RASAL2: variants seen among roughly 807,000 people sequenced by gnomAD.
The protein encoded by RASAL2 is ras GTPase-activating protein nGAP.
RASAL2 carries 58 observed loss-of-function variants against 128.9 expected under a neutral mutation model. The ratio of observed to expected loss-of-function variants is 0.45; its 90% CI spans 0.36 to 0.56. The LOEUF (loss-of-function observed/expected upper bound fraction) is 0.56. Ranked by LOEUF, RASAL2 falls within the 20% of genes least tolerant of loss-of-function variation. RASAL2 has a pLI of 0.00. For synonymous variants in RASAL2, 561 were observed against 580.8 expected, an observed-to-expected ratio of 0.97 and a Z score of 0.49; for missense variants, 1,360 against 1,601.6, an observed-to-expected ratio of 0.85 and a Z score of 2.57.
chr1:178,203,467 C>T (rs1662942351), intron 1 of RASAL2, among the ~76,000 whole-genome samples: 1 of 152,170 alleles, frequency 6.6e-6, no homozygotes, highest in Non-Finnish European at 1.5e-5. Context: ...GGTACTGTTT[C>T]TTGCATAGCC....
At chr1:178,142,997 G>T (rs911772030) in intron 1 of RASAL2, among the ~76,000 whole-genome samples, 1 of 151,822 alleles carries the variant, frequency 6.6e-6, no homozygotes, top group East Asian at 1.9e-4. Context: ...TAAGGCAGGG[G>T]ATTATTTCTT....
At chr1:178,464,471 G>C in intron 15 of RASAL2, 59 bp downstream of exon 15, 1 of 1,587,868 alleles carries the variant, frequency 6.3e-7, no homozygotes, top group South Asian at 1.2e-5. Context: ...CACTAAAAAG[G>C]TTATCTAGCT....
intron 1 of RASAL2, among the ~76,000 whole-genome samples, chr1:178,249,112 T>C (rs991073405): frequency 5.3e-5 from 8 of 152,184 alleles, no homozygotes; most frequent in Admixed American, 2.0e-4. Flanking sequence ...GAAGTTCTCC[T>C]GGATAATACC....
chr1:178,446,966 G>T (rs1677043523), intron 9 of RASAL2, among the ~76,000 whole-genome samples: 1 of 152,162 alleles, frequency 6.6e-6, no homozygotes, highest in East Asian at 1.9e-4. Flanking sequence ...GGAATGTGTG[G>T]AATAAAACTA....
intron 1 of RASAL2, among the ~76,000 whole-genome samples, chr1:178,170,133 G>T (rs921185280): frequency 2.0e-5 from 3 of 151,726 alleles, no homozygotes; most frequent in South Asian, 2.1e-4. Context: ...TCTGTTACTT[G>T]GTTGCTAAAA....
rs1376658935 is a variant in RASAL2, at chr1:178,473,361, C to T, written c.*122C>T. 2 of 1,245,802 alleles carry T rather than the reference C, an allele frequency of 1.6e-6. No individual in the cohort carries two copies. Among genetic ancestry groups the T allele is most frequent in the Admixed American group, 5.0e-5 (2 of 40,006 alleles). 77.2% of individuals were successfully genotyped at this position (1,245,802 alleles called of 1,614,324 possible). On this transcript the variant is annotated 3_prime_UTR_variant, in exon 18 of 18. Transcript: ENST00000367649. ...TTCACAATGGCGATGTGGTGAGAAA[C>T]TCCTGAATGAAGAAAGGAACCTTGT...
intron 3 of RASAL2, among the ~76,000 whole-genome samples, chr1:178,332,613 CTT>C (rs72401422): frequency 3.5e-4 from 47 of 136,052 alleles, no homozygotes; most frequent in Admixed American, 5.0e-4. Context: ...GTCTCCAATT[CTT>C]TTTTTTTTTT....
At chr1:178,136,856 G>T (rs962961449) in intron 1 of RASAL2, among the ~76,000 whole-genome samples, 1 of 150,102 alleles carries the variant, frequency 6.7e-6, no homozygotes, top group Non-Finnish European at 1.5e-5. Context: ...GAAACATAAA[G>T]GTCTAGTCCT....
intron 3 of RASAL2, among the ~76,000 whole-genome samples, chr1:178,331,482 A>G (rs1017443071): frequency 6.6e-6 from 1 of 152,204 alleles, no homozygotes; most frequent in African/African-American, 2.4e-5. Context: ...ATTTAAAAAC[A>G]TAAAAAGAGA....
At chr1:178,350,447 T>C (rs1670403045) in intron 3 of RASAL2, among the ~76,000 whole-genome samples, 1 of 152,244 alleles carries the variant, frequency 6.6e-6, no homozygotes, top group Non-Finnish European at 1.5e-5. Context: ...ATGCTCATCT[T>C]GGTCTCAAAC....
chr1:178,369,081 A>G (rs1053824634), intron 3 of RASAL2, among the ~76,000 whole-genome samples: 1 of 152,192 alleles, frequency 6.6e-6, no homozygotes, highest in Non-Finnish European at 1.5e-5. Context: ...TCGGATTATA[A>G]AAAGAGGAAA....
At chr1:178,168,809 G>A (rs544718961) in intron 1 of RASAL2, among the ~76,000 whole-genome samples, 1 of 152,148 alleles carries the variant, frequency 6.6e-6, no homozygotes, top group Admixed American at 6.6e-5. Context: ...TCTTTACTGT[G>A]TGGAATTTTA....
chr1:178,366,007 G>A (rs1213821140), intron 3 of RASAL2, among the ~76,000 whole-genome samples: 2 of 152,044 alleles, frequency 1.3e-5, no homozygotes, highest in Admixed American at 6.5e-5. Flanking sequence ...AATATAATTT[G>A]TATAGTAGAT....
At chr1:178,194,995 G>A (rs1662612147) in intron 1 of RASAL2, among the ~76,000 whole-genome samples, 3 of 152,156 alleles carry the variant, frequency 2.0e-5, no homozygotes, top group Admixed American at 2.0e-4. Flanking sequence ...GAATTTTGAA[G>A]GGTAATTTTG....
intron 4 of RASAL2, among the ~76,000 whole-genome samples, chr1:178,407,595 T>G (rs545693130): frequency 6.6e-6 from 1 of 152,332 alleles, no homozygotes; most frequent in South Asian, 2.1e-4. Flanking sequence ...GTGAATCAGG[T>G]AACATTTTGA....
intron 1 of RASAL2, among the ~76,000 whole-genome samples, chr1:178,244,454 G>A (rs1202962816): frequency 2.6e-5 from 4 of 152,106 alleles, no homozygotes; most frequent in African/African-American, 9.7e-5. Flanking sequence ...TATTGGTCAG[G>A]CTGGTCTTGA....
At chr1:178,173,416 A>G (rs908901033) in intron 1 of RASAL2, among the ~76,000 whole-genome samples, 34 of 152,268 alleles carry the variant, frequency 2.2e-4, no homozygotes, top group African/African-American at 7.2e-4. Context: ...ATTGTAATGT[A>G]CATCTAAATA....
intron 1 of RASAL2, among the ~76,000 whole-genome samples, chr1:178,277,163 A>G (rs1000406041): frequency 6.6e-6 from 1 of 151,596 alleles, no homozygotes; most frequent in Non-Finnish European, 1.5e-5. Context: ...AAAAAAAAAA[A>G]AAAAAAACCA....
chr1:178,101,956 C>T (rs759971194), intron 1 of RASAL2, among the ~76,000 whole-genome samples: 1 of 152,020 alleles, frequency 6.6e-6, no homozygotes, highest in Non-Finnish European at 1.5e-5. Flanking sequence ...GACAAAACAT[C>T]CATAAAGTAG....
Sources: gnomAD v4.1 joint callset for allele counts (sites outside exome capture counted in the v4.1 genomes callset) on GRCh38, gnomAD v4.1.1 for gene constraint, MANE v1.5 for transcripts, NCBI Gene and HGNC (gene_info 2026-07-23, HGNC 2026-07-21) for gene names.